Variants in EPHA5 observed in about 807,000 individuals in gnomAD.
EPHA5 encodes ephrin type-A receptor 5.
EPHA5 carries 60 observed loss-of-function variants against 105.0 expected under a neutral mutation model. The observed-to-expected ratio is 0.57, with a 90% CI of 0.46 to 0.71. EPHA5 has a LOEUF of 0.71. Among genes scored for constraint, EPHA5 ranks in the 30% least tolerant of loss-of-function variants. The pLI is 0.00. For synonymous variants in EPHA5, 513 were observed against 449.1 expected (o/e 1.14, Z -1.80); for missense variants, 1,218 against 1,274.7 (o/e 0.96, Z 0.68).
chr4:65,551,584 A>C (rs7662703), intron 3 of EPHA5, among the ~76,000 whole-genome samples: 77,002 of 151,882 alleles, frequency 0.51, 19,838 homozygotes, highest in Non-Finnish European at 0.53. Context: ...GAATGTGTGC[A>C]TATCATATAC....
intron 1 of EPHA5, among the ~76,000 whole-genome samples, chr4:65,658,214 C>T (rs1463410674): frequency 6.6e-6 from 1 of 152,040 alleles, no homozygotes; most frequent in Non-Finnish European, 1.5e-5. Flanking sequence ...GTGAGTGTTT[C>T]TGACTGAGCT....
chr4:65,330,378 T>C (rs1422986164), intron 16 of EPHA5, among the ~76,000 whole-genome samples: 3 of 151,462 alleles, frequency 2.0e-5, no homozygotes, highest in Non-Finnish European at 4.4e-5. Flanking sequence ...GAAACTATAA[T>C]GCTAAAATAT....
intron 2 of EPHA5, 66 bp downstream of exon 2, chr4:65,643,297 G>T: frequency 1.6e-6 from 2 of 1,247,346 alleles, no homozygotes; most frequent in Non-Finnish European, 1.2e-6. Flanking sequence ...ATTCATTCCT[G>T]TGTTACAAGT....
chr4:65,544,540 C>A (rs1419904286), intron 3 of EPHA5, among the ~76,000 whole-genome samples: 1 of 151,918 alleles, frequency 6.6e-6, no homozygotes, highest in Non-Finnish European at 1.5e-5. Context: ...CCATCTCATT[C>A]CAGTCAGAAT....
intron 3 of EPHA5, among the ~76,000 whole-genome samples, chr4:65,515,999 A>G (rs1318136839): frequency 6.6e-6 from 1 of 152,164 alleles, no homozygotes; most frequent in African/African-American, 2.4e-5. Flanking sequence ...GTACTGAATT[A>G]TACCACTGGC....
At chr4:65,524,146 A>T (rs956806216) in intron 3 of EPHA5, among the ~76,000 whole-genome samples, 1 of 151,818 alleles carries the variant, frequency 6.6e-6, no homozygotes, top group Non-Finnish European at 1.5e-5. Flanking sequence ...TAATCAAACA[A>T]GAGGAATGAG....
At chr4:65,571,407 A>C (rs1427551282) in intron 3 of EPHA5, among the ~76,000 whole-genome samples, 1 of 151,570 alleles carries the variant, frequency 6.6e-6, no homozygotes, top group Admixed American at 6.6e-5. Flanking sequence ...AGTACCACAA[A>C]ATTTAAAAAA....
intron 15 of EPHA5, among the ~76,000 whole-genome samples, chr4:65,332,946 G>T (rs1720780414): frequency 6.6e-6 from 1 of 151,898 alleles, no homozygotes; most frequent in Non-Finnish European, 1.5e-5. Flanking sequence ...TACATAGAGT[G>T]TTTCTTAATA....
intron 8 of EPHA5, among the ~76,000 whole-genome samples, chr4:65,373,800 T>G (rs572134479): frequency 6.6e-6 from 1 of 151,986 alleles, no homozygotes; most frequent in South Asian, 2.1e-4. Context: ...TGACTGCTTT[T>G]CCCTTGCCAT....
chr4:65,597,473 T>C (rs533065134), intron 3 of EPHA5, among the ~76,000 whole-genome samples: 1 of 138,480 alleles, frequency 7.2e-6, no homozygotes, highest in African/African-American at 2.8e-5. Context: ...AAAAAAAGTC[T>C]CACATGAGTC....
chr4:65,573,762 G>A (rs1327806557), intron 3 of EPHA5: 3 of 1,611,598 alleles, frequency 1.9e-6, no homozygotes, highest in Non-Finnish European at 2.5e-6. Flanking sequence ...TGACAAGAAC[G>A]GCGGTACCCG....
At position 65,353,073 on chromosome 4, in the gene EPHA5, A is replaced by G. The variant is rs759540768; in HGVS notation, c.2204T>C (p.Met735Thr). The change falls in exon 12 of 17, where the codon ATG becomes ACG. Residue 735 changes from methionine (M) to threonine (T), a missense_variant. Coordinates refer to ENST00000613740, the MANE Select transcript of EPHA5 (RefSeq NM_001281766.3). Reference protein sequence around the residue: ...SKPVMIVTEYMENGSLDTFLK... With the variant: ...SKPVMIVTEYTENGSLDTFLK... ...AAATGTATCTAAAGAGCCATTCTCC[A>G]TATACTCTGTCACGATCATCACTGG... 2.4e-5 allele frequency: 37 copies of G among 1,567,584 alleles called. No individual in the cohort carries two copies. Among genetic ancestry groups the G allele is most frequent in the Non-Finnish European group, 3.2e-5 (37 of 1,158,930 alleles).
intron 8 of EPHA5, among the ~76,000 whole-genome samples, chr4:65,379,601 TA>T (rs1165200677): frequency 6.6e-6 from 1 of 151,722 alleles, no homozygotes; most frequent in Non-Finnish European, 1.5e-5. Flanking sequence ...GTGTCTGGCA[TA>T]TCAAGTATTT....
In EPHA5 at chr4:65,335,964, A is replaced by T. The variant is rs760801092; in HGVS notation, c.2757T>A (p.Ser919Arg). 1 of 1,612,652 alleles carries T rather than the reference A, an allele frequency of 6.2e-7. No homozygotes were observed. Among genetic ancestry groups the T allele is most frequent in the South Asian group, 1.1e-5 (1 of 90,988 alleles). ...NMLDKLIRNP[S>R]SLKTLVNASC... ...ATGCATTAACCAGCGTCTTCAGACT[A>T]CTTGGGTTACGTATCAGCTTGTCCA... The change falls in exon 15 of 17, where the codon AGT (serine) becomes AGA (arginine). Residue 919 changes from serine to arginine, a missense_variant. By Grantham distance (110) the Ser-to-Arg change is moderately radical. This residue lies in a region of EPHA5 where 971 missense variants were observed against 1,013.5 expected (regional missense o/e 0.96). Transcript: ENST00000613740.
chr4:65,520,904 G>T (rs1180505746), intron 3 of EPHA5, among the ~76,000 whole-genome samples: 2 of 152,138 alleles, frequency 1.3e-5, no homozygotes, highest in Non-Finnish European at 2.9e-5. Context: ...TGGAGAAATA[G>T]GAACACTTTT....
chr4:65,429,131 T>C (rs777724074), intron 5 of EPHA5, among the ~76,000 whole-genome samples: 5 of 152,056 alleles, frequency 3.3e-5, no homozygotes, highest in Non-Finnish European at 5.9e-5. Context: ...ATCCCCATTT[T>C]ACAAGAAACA....
At chr4:65,590,311 C>T (rs550531815) in intron 3 of EPHA5, among the ~76,000 whole-genome samples, 8 of 152,108 alleles carry the variant, frequency 5.3e-5, no homozygotes, top group African/African-American at 9.6e-5. Flanking sequence ...GCTGGTCAGC[C>T]GTAAATGCAG....
intron 3 of EPHA5, among the ~76,000 whole-genome samples, chr4:65,579,352 A>ATG (rs1392989236): frequency 9.1e-5 from 9 of 99,438 alleles, no homozygotes; most frequent in African/African-American, 1.1e-4. Flanking sequence ...ATATATATGT[A>ATG]TGTGTGTATA....
chr4:65,594,372 C>T (rs1159747208), intron 3 of EPHA5, among the ~76,000 whole-genome samples: 1 of 152,000 alleles, frequency 6.6e-6, no homozygotes, highest in Non-Finnish European at 1.5e-5. Context: ...AAACTCAAGT[C>T]CATTAATGTT....
Sources: allele counts gnomAD v4.1 joint callset (sites outside exome capture counted in the v4.1 genomes callset), GRCh38; gene constraint gnomAD v4.1.1; regional missense constraint gnomAD v4.1.1; transcripts MANE v1.5; gene names NCBI Gene and HGNC (gene_info 2026-07-23, HGNC 2026-07-21).